The following STARD3 variants were observed in gnomAD, a reference collection of about 807,000 sequenced individuals.
The protein encoded by STARD3 is StAR related lipid transfer domain containing 3, also known as stAR-related lipid transfer protein 3.
A neutral mutation model predicts 62.0 loss-of-function variants in STARD3; 39 were observed. That is an observed-to-expected ratio of 0.63 (90% CI 0.49 to 0.82). STARD3 has a LOEUF of 0.82. Ranked by LOEUF, STARD3 falls within the 40% of genes least tolerant of loss-of-function variation. The pLI, the probability that STARD3 is intolerant of heterozygous loss-of-function variation, is 0.00. For synonymous variants in STARD3, 229 were observed against 242.4 expected (o/e 0.94, Z 0.51); for missense variants, 543 against 584.5 (o/e 0.93, Z 0.73).
At chr17:39,645,973 C>A (rs1012051078) in intron 1 of STARD3, among the ~76,000 whole-genome samples, 1 of 146,120 alleles carries the variant, frequency 6.8e-6, no homozygotes, top group African/African-American at 2.6e-5. Context: ...CTCACTGCAA[C>A]CTTCGCCCCT....
At chr17:39,640,006 T>G (rs772280264) in intron 1 of STARD3, among the ~76,000 whole-genome samples, 4 of 152,180 alleles carry the variant, frequency 2.6e-5, no homozygotes, top group Non-Finnish European at 5.9e-5. Flanking sequence ...ATGGTATTAT[T>G]TATCTGCCAG....
chr17:39,637,841 C>T (rs1300065218), intron 1 of STARD3, among the ~76,000 whole-genome samples: 4 of 152,160 alleles, frequency 2.6e-5, no homozygotes, highest in African/African-American at 9.7e-5. Flanking sequence ...TCACGTTTTC[C>T]TCTGTCGCCC....
In STARD3 at chr17:39,663,923, C is replaced by T. The variant is rs142285426; in HGVS notation, c.*1015C>T. ...CACTCACCCATTCCCTCTCCCCGCACGGCACTCACACCAGGGGCGGCCTGG... is the reference window on the plus strand; with the variant it reads ...CACTCACCCATTCCCTCTCCCCGCATGGCACTCACACCAGGGGCGGCCTGG... On this transcript the variant is annotated 3_prime_UTR_variant, in exon 15 of 15. Transcript: ENST00000336308. Among the ~76,000 whole-genome samples the T allele has an allele frequency of 3.9e-3, 591 of 152,226 alleles. 4 individuals are homozygous for T. Among genetic ancestry groups the T allele is most frequent in the African/African-American group, 0.013 (553 of 41,532 alleles).
chr17:39,660,724 CAGTT>C lies in STARD3; in HGVS notation c.955-82_955-79del. ...GCCCAGGGCCTGCCTGTGGCAATAG[CAGTT>C]AGTAAAGGGGCCTGGGGTGTTCCCA... is the stretch of plus-strand genomic sequence containing the variant. On this transcript the variant is annotated intron_variant, in intron 11 of 14. Coordinates refer to ENST00000336308, the MANE Select transcript of STARD3 (RefSeq NM_006804.4). The surrounding 1 kb of genome is among the most constrained non-coding windows in gnomAD (Gnocchi z 4.8). 6.8e-7 allele frequency: 1 copy of C among 1,474,476 alleles called. No individual in the cohort carries two copies. 91.3% of individuals were successfully genotyped at this position (1,474,476 alleles called of 1,614,324 possible).
intron 1 of STARD3, among the ~76,000 whole-genome samples, chr17:39,649,003 A>G (rs1416472979): frequency 6.6e-6 from 1 of 152,162 alleles, no homozygotes; most frequent in African/African-American, 2.4e-5. Flanking sequence ...GCAAGGACCA[A>G]GGAGGGAGGG....
At chr17:39,647,645 G>A (rs1359946937) in intron 1 of STARD3, among the ~76,000 whole-genome samples, 2 of 152,172 alleles carry the variant, frequency 1.3e-5, no homozygotes, top group Non-Finnish European at 2.9e-5. Context: ...GGAGCTCAAA[G>A]GCCTTTCAAA....
intron 1 of STARD3, among the ~76,000 whole-genome samples, chr17:39,638,142 G>T (rs1426223607): frequency 6.6e-6 from 1 of 152,150 alleles, no homozygotes; most frequent in African/African-American, 2.4e-5. Context: ...TCTTAAAAGT[G>T]ACCTAGTACT....
chr17:39,663,010 C>G lies in STARD3; in HGVS notation c.*102C>G. The G allele has an allele frequency of 8.5e-7, 1 of 1,180,216 alleles. No individual in the cohort carries two copies. Among genetic ancestry groups the G allele is most frequent in the Non-Finnish European group, 1.2e-6 (1 of 851,478 alleles). The allele number at this position is 1,180,216 out of a possible 1,614,324, so 73.1% of individuals were successfully genotyped here. A position where few individuals can be genotyped will look rare whatever the true frequency, so the allele number is the denominator to read the frequency against. ...CGCACTGCCCACATGGGACCTGGCC[C>G]CAGGCTGTCACCCTCCACCGAGCCA... is the stretch of plus-strand genomic sequence containing the variant. On this transcript the variant is annotated 3_prime_UTR_variant, in exon 15 of 15. Coordinates refer to ENST00000336308, the MANE Select transcript of STARD3 (RefSeq NM_006804.4).
intron 1 of STARD3, among the ~76,000 whole-genome samples, chr17:39,649,926 T>C (rs554591870): frequency 1.5e-5 from 2 of 132,092 alleles, no homozygotes; most frequent in East Asian, 4.6e-4. Flanking sequence ...AAAAGAAATA[T>C]AAAAAGGATA....
At chr17:39,662,733 G>T in intron 14 of STARD3, 71 bp from the exon 15 acceptor site, 1 of 1,428,016 alleles carries the variant, frequency 7.0e-7, no homozygotes, top group South Asian at 1.3e-5. Context: ...CCCCCCTGCT[G>T]GTGCCAGCTG....
Position 39,653,704 on chromosome 17 carries a change from C to A in STARD3, c.173C>A (p.Thr58Asn). 6.2e-7 allele frequency: 1 copy of A among 1,614,222 alleles called. No homozygotes were observed. Residue 58 changes from threonine to asparagine, a missense_variant, in exon 2 of 15, where the codon ACC becomes AAC. By Grantham distance (65) the Thr-to-Asn change is moderately conservative. Coordinates refer to ENST00000336308, the MANE Select transcript of STARD3 (RefSeq NM_006804.4). ...DVRRTFCLFVTFDLLFISLLW... is the reference protein window; with the variant it reads ...DVRRTFCLFVNFDLLFISLLW... ...CGCCGCACCTTCTGTCTCTTCGTCACCTTCGACCTGCTCTTCATCTCCCTG... is the reference window on the plus strand; with the variant it reads ...CGCCGCACCTTCTGTCTCTTCGTCAACTTCGACCTGCTCTTCATCTCCCTG...
rs1247710751 is a variant in STARD3, at chr17:39,651,695, C to G, written c.-51-1786C>G. The G allele has an allele frequency of 2.0e-5, 3 of 152,306 alleles. No homozygotes were observed. The East Asian group carries it at 5.8e-4, about 29-fold the overall frequency. The allele number at this position is 152,306 out of a possible 1,614,324, so 9.4% of individuals were successfully genotyped here. A position where few individuals can be genotyped will look rare whatever the true frequency, so the allele number is the denominator to read the frequency against. On this transcript the variant is annotated intron_variant, in intron 1 of 14. Coordinates refer to ENST00000336308, the MANE Select transcript of STARD3 (RefSeq NM_006804.4). ...TCTTCTGCCTCAGCCTCTCGAATAGCTGGGACTACAGGCACCGGTCACCAC... is the reference window on the plus strand; with the variant it reads ...TCTTCTGCCTCAGCCTCTCGAATAGGTGGGACTACAGGCACCGGTCACCAC...
intron 1 of STARD3, among the ~76,000 whole-genome samples, chr17:39,644,628 G>A (rs1190350957): frequency 7.0e-6 from 1 of 143,154 alleles, no homozygotes; most frequent in Non-Finnish European, 1.5e-5. Flanking sequence ...TTGAGTCCAG[G>A]AGTTTGACAC....
chr17:39,650,997 G>A (rs1378226135), intron 1 of STARD3, among the ~76,000 whole-genome samples: 1 of 152,200 alleles, frequency 6.6e-6, no homozygotes, highest in Non-Finnish European at 1.5e-5. Flanking sequence ...GATGCACTGA[G>A]CATGCAGTCT....
chr17:39,659,575 G>T, intron 9 of STARD3, 22 bp downstream of exon 9: 1 of 1,610,426 alleles, frequency 6.2e-7, no homozygotes, highest in South Asian at 1.1e-5. Context: ...TCTCCCACCT[G>T]ACCTTCCCAT....
chr17:39,640,784 T>TGGCACAAGGGGGAAGGGAGGGCAAGTAGA (rs1187892153), intron 1 of STARD3, among the ~76,000 whole-genome samples: 1 of 152,202 alleles, frequency 6.6e-6, no homozygotes. Context: ...TGTTAGGGTC[T>TGGCACAAGGGGGAAGGGAGGGCAAGTAGA]TCCTGTACAC....
chr17:39,658,939 C>G, intron 7 of STARD3, 112 bp from the exon 8 acceptor site: 3 of 1,554,168 alleles, frequency 1.9e-6, no homozygotes, highest in Admixed American at 1.7e-5. Flanking sequence ...CAGCAACCCT[C>G]TCCCACACAC....
At position 39,651,072 on chromosome 17, in the gene STARD3, A is replaced by T. The variant is rs551870307; in HGVS notation, c.-51-2409A>T. Among the ~76,000 whole-genome samples, 110 of 152,326 alleles carry T rather than the reference A, an allele frequency of 7.2e-4. 1 individual carries two copies. The highest frequency in any genetic ancestry group is 2.5e-3 in the African/African-American group (104 of 41,568). ...CAGCGGCCTGTCACATCCCCTCCCC[A>T]TCGCCTGTTTCCAGAGCTGAGCCCA... On this transcript the variant is annotated intron_variant, in intron 1 of 14. Coordinates refer to ENST00000336308, the MANE Select transcript of STARD3 (RefSeq NM_006804.4).
At chr17:39,643,747 G>C (rs1452334732) in intron 1 of STARD3, among the ~76,000 whole-genome samples, 1 of 152,202 alleles carries the variant, frequency 6.6e-6, no homozygotes, top group Non-Finnish European at 1.5e-5. Flanking sequence ...CATCTCGCCA[G>C]TCAGTCAGAG....
Sources: gnomAD v4.1 joint callset for allele counts (sites outside exome capture counted in the v4.1 genomes callset) on GRCh38, gnomAD v4.1.1 for gene constraint, Gnocchi (gnomAD v3.1) non-coding constraint, MANE v1.5 for transcripts, NCBI Gene and HGNC (gene_info 2026-07-23, HGNC 2026-07-21) for gene names.